The following AGBL4 variants were observed in gnomAD, a reference collection of about 807,000 sequenced individuals.
AGBL4 encodes cytosolic carboxypeptidase 6.
AGBL4 carries 58 observed loss-of-function variants against 66.4 expected under a neutral mutation model. The observed-to-expected ratio is 0.87, with a 90% CI of 0.71 to 1.09. The LOEUF is 1.09. AGBL4 is among the 50% of genes least tolerant of loss of function. The probability of loss-of-function intolerance (pLI) is 0.00; values close to 1 mark genes in which losing one functional copy is unlikely to be tolerated. For missense variants in AGBL4, 579 were observed against 631.0 expected (o/e 0.92, Z 0.88); for synonymous variants, 234 against 222.9 (o/e 1.05, Z -0.44).
chr1:49,589,011 A>G (rs1644704827), intron 3 of AGBL4, among the ~76,000 whole-genome samples: 2 of 152,140 alleles, frequency 1.3e-5, no homozygotes, highest in African/African-American at 4.8e-5. Flanking sequence ...TCTGCCTTCA[A>G]TAAATTACTC....
At chr1:48,907,185 G>A (rs1652679159) in intron 5 of AGBL4, among the ~76,000 whole-genome samples, 1 of 152,186 alleles carries the variant, frequency 6.6e-6, no homozygotes, top group African/African-American at 2.4e-5. Flanking sequence ...ACGCAACTTT[G>A]CCTTATTGAA....
intron 3 of AGBL4, among the ~76,000 whole-genome samples, chr1:49,499,347 A>G (rs1263099497): frequency 6.6e-6 from 1 of 151,982 alleles, no homozygotes; most frequent in Non-Finnish European, 1.5e-5. Context: ...GTATATAATT[A>G]CAAATAAAAT....
rs573371338 is a variant in AGBL4, at chr1:49,607,947, G to C, written c.282+89366C>G. Among the ~76,000 whole-genome samples the C allele has an allele frequency of 7.2e-5, 11 of 152,278 alleles. No homozygotes were observed. The South Asian group carries it at 2.3e-3, about 32-fold the overall frequency. On this transcript the variant is annotated intron_variant, in intron 3 of 13. Transcript: ENST00000371839. ...AAGGGAATCAGTAGACAATGTGGTT[G>C]AATAATAGGGGAGAAGTGAGACTAT...
intron 5 of AGBL4, among the ~76,000 whole-genome samples, chr1:49,041,473 T>C (rs955783893): frequency 6.6e-6 from 1 of 152,108 alleles, no homozygotes; most frequent in Non-Finnish European, 1.5e-5. Flanking sequence ...AAATGCTGCT[T>C]TGGATAAGGT....
intron 1 of AGBL4, among the ~76,000 whole-genome samples, chr1:49,959,015 T>TAA (rs558858713): frequency 2.3e-5 from 3 of 129,594 alleles, no homozygotes; most frequent in Non-Finnish European, 3.3e-5. Context: ...CAGCCCAAGA[T>TAA]AAAAAAAAAA....
chr1:49,590,351 A>G (rs1199255178), intron 3 of AGBL4, among the ~76,000 whole-genome samples: 1 of 151,938 alleles, frequency 6.6e-6, no homozygotes, highest in Non-Finnish European at 1.5e-5. Flanking sequence ...AGAAAATTAC[A>G]TGCAGGATGC....
chr1:48,843,211 A>C (rs1337586753), intron 6 of AGBL4, among the ~76,000 whole-genome samples: 1 of 152,160 alleles, frequency 6.6e-6, no homozygotes, highest in Non-Finnish European at 1.5e-5. Context: ...CCTTATAAAA[A>C]AAATTTATAT....
rs1312668259 is a variant in AGBL4 at position 49,413,112 on chromosome 1, G to A, written c.283-167248C>T. 2.6e-5 allele frequency among the ~76,000 whole-genome samples: 4 copies of A among 152,142 alleles called. No homozygotes were observed. In the East Asian group the frequency reaches 7.7e-4, roughly 29 times the overall value. ...CAACTCTCAATAATTTTGGCCATGA[G>A]GTCACACAACCTGGTAGTGTCCTTT... is the stretch of plus-strand genomic sequence containing the variant. On this transcript the variant is annotated intron_variant, in intron 3 of 13. Coordinates refer to ENST00000371839, the MANE Select transcript of AGBL4 (RefSeq NM_032785.4).
intron 7 of AGBL4, among the ~76,000 whole-genome samples, chr1:48,658,395 AGGT>A: frequency 1.3e-5 from 2 of 152,212 alleles, no homozygotes; most frequent in Non-Finnish European, 2.9e-5. Flanking sequence ...AGACAGTTTG[AGGT>A]CTCTGCTTGG....
chr1:49,169,375 G>A (rs928074494), intron 4 of AGBL4, among the ~76,000 whole-genome samples: 3 of 151,988 alleles, frequency 2.0e-5, no homozygotes, highest in African/African-American at 7.2e-5. Context: ...GGATTACATC[G>A]GTCTATTTCT....
intron 2 of AGBL4, chr1:49,845,928 AC>A: frequency 2.7e-6 from 4 of 1,470,656 alleles, no homozygotes; most frequent in Non-Finnish European, 1.9e-6. Flanking sequence ...AAATGCAATG[AC>A]TGCAGCAAGG....
chr1:48,554,692 C>T (rs982621926), intron 11 of AGBL4, among the ~76,000 whole-genome samples: 5 of 151,928 alleles, frequency 3.3e-5, no homozygotes, highest in Admixed American at 6.6e-5. Flanking sequence ...TTGATGACCA[C>T]GGACTATTTT....
chr1:49,603,963 CACACACACACACACA>C (rs1645016430), intron 3 of AGBL4, among the ~76,000 whole-genome samples: 2 of 151,314 alleles, frequency 1.3e-5, no homozygotes, highest in African/African-American at 2.4e-5. Context: ...CACACACACA[CACACACACACACACA>C]CACCACATTT....
intron 3 of AGBL4, among the ~76,000 whole-genome samples, chr1:49,671,980 A>G (rs1488695459): frequency 6.6e-6 from 1 of 152,196 alleles, no homozygotes; most frequent in East Asian, 1.9e-4. Flanking sequence ...AAATCCCATT[A>G]CTGGGTACAC....
At chr1:49,606,114 G>T (rs1000684399) in intron 3 of AGBL4, among the ~76,000 whole-genome samples, 2 of 152,076 alleles carry the variant, frequency 1.3e-5, no homozygotes, top group Admixed American at 6.6e-5. Flanking sequence ...CTGAATTCCA[G>T]ATCTAAGAAA....
intron 1 of AGBL4, among the ~76,000 whole-genome samples, chr1:49,957,178 A>G (rs1656678871): frequency 6.6e-6 from 1 of 152,030 alleles, no homozygotes; most frequent in Non-Finnish European, 1.5e-5. Flanking sequence ...GTGTAATTAA[A>G]TAAGCGTTTT....
chr1:49,824,610 G>A (rs1018017790), intron 2 of AGBL4, among the ~76,000 whole-genome samples: 3 of 152,204 alleles, frequency 2.0e-5, no homozygotes, highest in Non-Finnish European at 4.4e-5. Flanking sequence ...AAGGCTTCCT[G>A]GTTAGACAAC....
chr1:48,791,860 A>G (rs1168818407), intron 6 of AGBL4, among the ~76,000 whole-genome samples: 2 of 152,190 alleles, frequency 1.3e-5, no homozygotes, highest in South Asian at 2.1e-4. Flanking sequence ...TCAATCATTC[A>G]AAAAACATTT....
intron 5 of AGBL4, among the ~76,000 whole-genome samples, chr1:48,982,302 C>T (rs1030608896): frequency 2.6e-5 from 4 of 152,118 alleles, no homozygotes; most frequent in East Asian, 1.9e-4. Flanking sequence ...CCCATTAACT[C>T]GTCATTTAAC....
Sources: gnomAD v4.1 joint callset for allele counts (sites outside exome capture counted in the v4.1 genomes callset) on GRCh38, gnomAD v4.1.1 for gene constraint, MANE v1.5 for transcripts, NCBI Gene and HGNC (gene_info 2026-07-23, HGNC 2026-07-21) for gene names.